Variants in TG observed in about 807,000 individuals in gnomAD.
TG encodes the protein thyroglobulin, also known as thyroid hormones.
Under a neutral mutation model 324.7 loss-of-function variants are expected in TG, and 270 were observed. The observed-to-expected ratio is 0.83, with a 90% CI of 0.75 to 0.92. The LOEUF (loss-of-function observed/expected upper bound fraction) is 0.92, where lower values mean the gene tolerates loss of function less well. Ranked by LOEUF, TG falls within the 40% of genes least tolerant of loss-of-function variation. The pLI is 0.00. For missense variants in TG, 3,591 were observed against 3,456.4 expected (o/e 1.04, Z -0.98); for synonymous variants, 1,401 against 1,327.0 (o/e 1.06, Z -1.21).
intron 27 of TG, among the ~76,000 whole-genome samples, chr8:132,949,953 C>T (rs1484396546): frequency 6.6e-6 from 1 of 152,176 alleles, no homozygotes; most frequent in Non-Finnish European, 1.5e-5. Context: ...CTGATGTGAT[C>T]AGGAAAGACA....
intron 39 of TG, 151 bp downstream of exon 39, chr8:133,019,846 T>A: frequency 1.5e-6 from 1 of 671,370 alleles, no homozygotes; most frequent in Non-Finnish European, 2.7e-6. Flanking sequence ...AGTTAGTGAG[T>A]GATCTGTGGA....
intron 19 of TG, 117 bp downstream of exon 19, chr8:132,911,650 T>C: frequency 1.2e-6 from 1 of 827,168 alleles, no homozygotes; most frequent in East Asian, 2.5e-5. Flanking sequence ...GTGAAGACTA[T>C]GGGGAGAGCT....
intron 27 of TG, among the ~76,000 whole-genome samples, chr8:132,952,924 C>T (rs1325168516): frequency 1.3e-5 from 2 of 152,208 alleles, no homozygotes; most frequent in African/African-American, 2.4e-5. Flanking sequence ...TCTCTACCCA[C>T]TCCTGGCTGC....
At chr8:132,986,406 ATGTG>A (rs1400818158) in intron 35 of TG, among the ~76,000 whole-genome samples, 1 of 93,880 alleles carries the variant, frequency 1.1e-5, no homozygotes, top group African/African-American at 5.6e-5. Context: ...ATATATATGT[ATGTG>A]TATATATATA....
chr8:133,004,538 T>A (rs912067804), intron 35 of TG, among the ~76,000 whole-genome samples: 1 of 152,180 alleles, frequency 6.6e-6, no homozygotes. Flanking sequence ...TTTCCTCCAG[T>A]GCCTCAGTGT....
intron 27 of TG, among the ~76,000 whole-genome samples, chr8:132,957,365 T>G (rs1354032535): frequency 6.6e-6 from 1 of 152,088 alleles, no homozygotes; most frequent in African/African-American, 2.4e-5. Context: ...TCTGTTGCCT[T>G]GAGATGGACA....
intron 40 of TG, among the ~76,000 whole-genome samples, chr8:133,024,839 T>G (rs1362707686): frequency 2.0e-5 from 3 of 152,344 alleles, no homozygotes; most frequent in Admixed American, 6.5e-5. Flanking sequence ...GTTCCAAGTC[T>G]TTGCTATTGT....
chr8:133,080,461 A>G (rs965495487), intron 41 of TG, among the ~76,000 whole-genome samples: 1 of 151,942 alleles, frequency 6.6e-6, no homozygotes, highest in Non-Finnish European at 1.5e-5. Context: ...CTAGCCTCCC[A>G]TTGGGTCTTC....
intron 41 of TG, among the ~76,000 whole-genome samples, chr8:133,091,542 G>A (rs983753061): frequency 6.6e-6 from 1 of 152,106 alleles, no homozygotes; most frequent in African/African-American, 2.4e-5. Context: ...ATGCTGCAGG[G>A]TCCATTTCAA....
chr8:133,126,419 T>C (rs1459240674), intron 45 of TG, among the ~76,000 whole-genome samples: 1 of 152,214 alleles, frequency 6.6e-6, no homozygotes, highest in Non-Finnish European at 1.5e-5. Context: ...CATTTTTTTC[T>C]GGACAGCCGT....
chr8:132,994,632 C>A, intron 35 of TG: 1 of 1,256,612 alleles, frequency 8.0e-7, no homozygotes. Flanking sequence ...CATTTATTCT[C>A]CCTTGTTGAG....
At chr8:133,060,124 C>A (rs376259266) in intron 41 of TG, 1 of 1,607,794 alleles carries the variant, frequency 6.2e-7, no homozygotes, top group Admixed American at 1.7e-5. Context: ...AGGGGCCTCT[C>A]GGCAGGCGCA....
rs965291337 is a variant in TG at position 132,879,665 on chromosome 8, A to C, written c.639-2198A>C. Among the ~76,000 whole-genome samples the C allele has an allele frequency of 5.3e-5, 8 of 152,214 alleles. 1 individual carries two copies. Among genetic ancestry groups the C allele is most frequent in the African/African-American group, 1.9e-4 (8 of 41,462 alleles). On this transcript the variant is annotated intron_variant, in intron 5 of 47. Coordinates refer to ENST00000220616, the MANE Select transcript of TG (RefSeq NM_003235.5). ...GCCCTAGAGAGCCCAGAAGGCAGTA[A>C]CTGGCCTTAGGGTGATCTTACTGGG...
intron 20 of TG, among the ~76,000 whole-genome samples, chr8:132,916,222 T>A (rs1820266427): frequency 6.6e-6 from 1 of 152,210 alleles, no homozygotes; most frequent in Non-Finnish European, 1.5e-5. Context: ...TAATAATACT[T>A]ATTGCATGGG....
intron 30 of TG, among the ~76,000 whole-genome samples, chr8:132,967,109 C>G (rs1046135094): frequency 8.4e-5 from 12 of 142,190 alleles, no homozygotes; most frequent in Non-Finnish European, 1.3e-4. Flanking sequence ...TCCATCCATT[C>G]GATCCATCCA....
chr8:133,020,114 G>T (rs1276701268), intron 39 of TG, among the ~76,000 whole-genome samples: 1 of 152,200 alleles, frequency 6.6e-6, no homozygotes, highest in Admixed American at 6.5e-5. Flanking sequence ...GCAGACCTGG[G>T]GCTAAGAGAG....
Position 132,948,870 on chromosome 8 carries a change from A to G in TG, c.5328A>G (p.Thr1776=), listed in dbSNP as rs1388935540. Residue 1776 remains threonine, a synonymous_variant, in exon 27 of 48, where the codon ACA becomes ACG. Coordinates refer to ENST00000220616, the MANE Select transcript of TG (RefSeq NM_003235.5). ...CCTCTGAAGCCTGGGCTAATGCTACATGTCCTGGTGTGACATATGACCAGG... is the reference window on the plus strand; with the variant it reads ...CCTCTGAAGCCTGGGCTAATGCTACGTGTCCTGGTGTGACATATGACCAGG... ...MDPSEAWANA[T]CPGVTYDQES... 1.9e-6 allele frequency: 3 copies of G among 1,614,136 alleles called. No homozygotes were observed. Among genetic ancestry groups the G allele is most frequent in the South Asian group, 1.1e-5 (1 of 91,078 alleles).
intron 41 of TG, 197 bp from the exon 42 acceptor site, chr8:133,094,847 A>G: frequency 1.4e-6 from 1 of 703,552 alleles, no homozygotes; most frequent in East Asian, 2.7e-5. Flanking sequence ...CTAGAGAGAC[A>G]TCTTCAGTAT....
At chr8:132,931,729 C>T (rs984013658) in intron 23 of TG, among the ~76,000 whole-genome samples, 4 of 151,948 alleles carry the variant, frequency 2.6e-5, no homozygotes, top group South Asian at 2.1e-4. Flanking sequence ...ATCTGCTTGC[C>T]GTGAAGATTA....
Sources: gnomAD v4.1 joint callset for allele counts (sites outside exome capture counted in the v4.1 genomes callset) on GRCh38, gnomAD v4.1.1 for gene constraint, MANE v1.5 for transcripts, NCBI Gene and HGNC (gene_info 2026-07-23, HGNC 2026-07-21) for gene names.